The following CDH15 variants were observed in gnomAD, a reference collection of about 807,000 sequenced individuals.
CDH15 encodes cadherin-15.
A neutral mutation model predicts 69.4 loss-of-function variants in CDH15; 73 were observed. The observed-to-expected ratio is 1.05, with a 90% CI of 0.87 to 1.28. CDH15 has a LOEUF of 1.28. CDH15 is among the 50% of genes most tolerant of loss of function. CDH15 has a pLI of 0.00. For synonymous variants in CDH15, 624 were observed against 507.7 expected (o/e 1.23, Z -3.08); for missense variants, 1,343 against 1,133.6 (o/e 1.18, Z -2.65).
At chr16:89,174,988 AAAG>A (rs1915228218) in intron 1 of CDH15, among the ~76,000 whole-genome samples, 1 of 152,116 alleles carries the variant, frequency 6.6e-6, no homozygotes, top group African/African-American at 2.4e-5. Flanking sequence ...GTGGGAGGAC[AAAG>A]AGCCAGCTTT....
rs1038706559 is a variant in CDH15 at position 89,171,797 on chromosome 16, G to C, written c.-35G>C. 2.4e-5 allele frequency: 37 copies of C among 1,544,388 alleles called. No individual in the cohort carries two copies. The highest frequency in any genetic ancestry group is 7.3e-5 in the East Asian group (3 of 41,002). ...GCCTGGACGCGCTTCTTCGGGTCGC[G>C]GGTGCACTCCGGCCCGGCTCCCGCC... On this transcript the variant is annotated 5_prime_UTR_variant, in exon 1 of 14. Coordinates refer to ENST00000289746, the MANE Select transcript of CDH15 (RefSeq NM_004933.3).
chr16:89,189,167 C>CGG (rs763980854), intron 7 of CDH15, among the ~76,000 whole-genome samples: 4 of 133,726 alleles, frequency 3.0e-5, no homozygotes, highest in African/African-American at 5.6e-5. Context: ...ACACAGATGC[C>CGG]CACACACAGA....
At chr16:89,194,019 C>T (rs1915727985) in intron 13 of CDH15, 106 bp downstream of exon 13, 1 of 1,260,758 alleles carries the variant, frequency 7.9e-7, no homozygotes, top group African/African-American at 1.5e-5. Context: ...CGCCTGCATG[C>T]ACTTATGGGC....
At chr16:89,187,192 C>T (rs1432738277) in intron 5 of CDH15, among the ~76,000 whole-genome samples, 2 of 152,230 alleles carry the variant, frequency 1.3e-5, no homozygotes, top group Non-Finnish European at 2.9e-5. Flanking sequence ...TAAACGCTTA[C>T]CCAGTGCACA....
In CDH15 at chr16:89,191,699, C is replaced by T. The variant is rs759705185; in HGVS notation, c.1420C>T (p.Leu474=). ...CACCGGCACCCTGTCCATCGAGATC[C>T]TGGAGGTGAACGACCATGCACCTGT... is the stretch of plus-strand genomic sequence containing the variant. ...TATGTLSIEI[L]EVNDHAPVLA... The change falls in exon 10 of 14, where the codon CTG becomes TTG. Residue 474 remains leucine (L), a synonymous_variant. Coordinates refer to ENST00000289746, the MANE Select transcript of CDH15 (RefSeq NM_004933.3). The T allele has an allele frequency of 6.0e-5, 96 of 1,602,828 alleles. No individual in the cohort carries two copies. The highest frequency in any genetic ancestry group is 7.0e-5 in the Non-Finnish European group (83 of 1,178,598).
rs1427056408 is a variant in CDH15, at chr16:89,195,085, G to A, written c.2375G>A (p.Trp792Ter). Reference sequence around the variant, plus strand: ...TGCGGGTTGGAGTACGGGGCCAGATGGGACCACCAGGCCAGGGAGGGTCTT... The same window carrying A: ...TGCGGGTTGGAGTACGGGGCCAGATAGGACCACCAGGCCAGGGAGGGTCTT... ...HPCGLEYGARWDHQAREGLSP... is the reference protein window; with the variant it reads ...HPCGLEYGAR Residue 792 changes from tryptophan (W) to a stop codon, truncating the protein, a stop_gained, in exon 14 of 14, where the codon TGG becomes TAG. Transcript: ENST00000289746. LOFTEE classifies it low-confidence loss of function (END_TRUNC). 2 of 1,611,716 alleles carry A rather than the reference G, an allele frequency of 1.2e-6. No homozygotes were observed. Among genetic ancestry groups the A allele is most frequent in the Admixed American group, 1.7e-5 (1 of 59,996 alleles).
chr16:89,195,042 G>C lies in CDH15; in HGVS notation c.2332G>C (p.Asp778His). The C allele has an allele frequency of 6.2e-7, 1 of 1,612,610 alleles. No homozygotes were observed. Among genetic ancestry groups the C allele is most frequent in the South Asian group, 1.1e-5 (1 of 91,082 alleles). Residue 778 changes from aspartate (D) to histidine (H), a missense_variant, in exon 14 of 14, where the codon GAC (aspartate) becomes CAC (histidine). Asp to His is a moderately conservative substitution (Grantham distance 81). Transcript: ENST00000289746. The part of the protein sequence containing the change: ...DWGPRFARLA[D>H]MYGHPCGLEY... Reference sequence around the variant, plus strand: ...GGGGCCCCGCTTCGCCCGGCTGGCAGACATGTATGGGCACCCGTGCGGGTT... The same window carrying C: ...GGGGCCCCGCTTCGCCCGGCTGGCACACATGTATGGGCACCCGTGCGGGTT...
chr16:89,184,301 G>A (rs1460144486), intron 4 of CDH15, among the ~76,000 whole-genome samples: 2 of 152,172 alleles, frequency 1.3e-5, no homozygotes, highest in Admixed American at 1.3e-4. Context: ...CCTAGCTCCA[G>A]CTGTCCCGGG....
At chr16:89,180,929 T>A (rs1208134547) in intron 3 of CDH15, among the ~76,000 whole-genome samples, 1 of 149,476 alleles carries the variant, frequency 6.7e-6, no homozygotes, top group Non-Finnish European at 1.5e-5. Flanking sequence ...TTCACTGTGT[T>A]AGCCAGGATG....
At chr16:89,180,386 C>T (rs1283827802) in intron 3 of CDH15, 31 bp downstream of exon 3, 7 of 1,603,396 alleles carry the variant, frequency 4.4e-6, no homozygotes, top group Non-Finnish European at 6.0e-6. Flanking sequence ...ACCTGTGCCC[C>T]TCAAGCAGGC....
intron 1 of CDH15, among the ~76,000 whole-genome samples, chr16:89,173,372 C>T (rs534072545): frequency 6.6e-6 from 1 of 152,246 alleles, no homozygotes; most frequent in African/African-American, 2.4e-5. Flanking sequence ...TTTCAAAAGG[C>T]CCCAGGGGGC....
Position 89,193,872 on chromosome 16 carries a change from C to G in CDH15, c.2110C>G (p.Leu704Val). Residue 704 changes from leucine to valine, a missense_variant, in exon 13 of 14, where the codon CTG becomes GTG. Leu to Val is a conservative substitution (Grantham distance 32). Coordinates refer to ENST00000289746, the MANE Select transcript of CDH15 (RefSeq NM_004933.3). ...GRLHPQPPRV[L>V]PTSPLDIADF... is the part of the protein sequence containing the mutation. The stretch of plus-strand genomic sequence containing the variant: ...CCTGCACCCCCAGCCACCCCGAGTG[C>G]TGCCCACCAGCCCCCTGGACATCGC... The G allele has an allele frequency of 6.2e-7, 1 of 1,612,186 alleles. No individual in the cohort carries two copies. Among genetic ancestry groups the G allele is most frequent in the South Asian group, 1.1e-5 (1 of 91,066 alleles).
chr16:89,171,961 C>G, intron 1 of CDH15, 88 bp downstream of exon 1: 1 of 1,371,834 alleles, frequency 7.3e-7, no homozygotes, highest in Non-Finnish European at 1.0e-6. Context: ...AGGTCTCCCC[C>G]AGAACCACTG....
chr16:89,178,371 A>G (rs1389845874), intron 1 of CDH15, among the ~76,000 whole-genome samples: 2 of 152,160 alleles, frequency 1.3e-5, no homozygotes, highest in Admixed American at 6.5e-5. Context: ...AGTGCGTCCC[A>G]GCCCCTGATG....
At chr16:89,172,662 AC>A (rs1432527611) in intron 1 of CDH15, among the ~76,000 whole-genome samples, 1 of 152,060 alleles carries the variant, frequency 6.6e-6, no homozygotes, top group African/African-American at 2.4e-5. Flanking sequence ...AGCCCCCCAC[AC>A]CCGACATGGG....
chr16:89,192,404 C>T lies in CDH15; in HGVS notation c.1815C>T (p.Gly605=), dbSNP rs1260679146. The change falls in exon 11 of 14, where the codon GGC becomes GGT. Residue 605 remains glycine, a synonymous_variant. Transcript: ENST00000289746. ...LLAGGTGLSL[G]ALVIVLASAL... ...CGGGGGGCACAGGCCTCAGCCTGGG[C>T]GCACTGGTCATCGTGCTGGCCAGCG... 6.5e-7 allele frequency: 1 copy of T among 1,541,708 alleles called. No homozygotes were observed. The highest frequency in any genetic ancestry group is 1.2e-5 in the South Asian group (1 of 84,642).
In CDH15 at chr16:89,179,491, C is replaced by A; in HGVS notation, c.118C>A (p.Leu40Met). ...GTACCCCTGGCGCCGGGCGCCTGCC[C>A]TGAGCCGCGTGCGGAGGGCCTGGGT... ...TLYPWRRAPA[L>M]SRVRRAWVIP... Residue 40 changes from leucine (L) to methionine (M), a missense_variant, in exon 2 of 14, where the codon CTG (leucine) becomes ATG (methionine). By Grantham distance (15) the Leu-to-Met change is conservative. Transcript: ENST00000289746. 1.9e-6 allele frequency: 3 copies of A among 1,613,496 alleles called. No homozygotes were observed. The highest frequency in any genetic ancestry group is 2.5e-6 in the Non-Finnish European group (3 of 1,179,900).
intron 8 of CDH15, among the ~76,000 whole-genome samples, 195 bp from the exon 9 acceptor site, chr16:89,191,135 G>C (rs1368973689): frequency 3.3e-5 from 4 of 122,102 alleles, no homozygotes. Flanking sequence ...GCCCATGTAT[G>C]TGTATGTGGT....
Position 89,171,790 on chromosome 16 carries a change from G to A in CDH15, c.-42G>A, listed in dbSNP as rs1308350795. 2 of 1,539,726 alleles carry A rather than the reference G, an allele frequency of 1.3e-6. No homozygotes were observed. Among genetic ancestry groups the A allele is most frequent in the East Asian group, 2.5e-5 (1 of 40,800 alleles). On this transcript the variant is annotated 5_prime_UTR_variant, in exon 1 of 14. Transcript: ENST00000289746. ...TCACTCAGCCTGGACGCGCTTCTTC[G>A]GGTCGCGGGTGCACTCCGGCCCGGC... is the stretch of plus-strand genomic sequence containing the variant.
Sources: gnomAD v4.1 joint callset for allele counts (sites outside exome capture counted in the v4.1 genomes callset) on GRCh38, gnomAD v4.1.1 for gene constraint, MANE v1.5 for transcripts, NCBI Gene and HGNC (gene_info 2026-07-23, HGNC 2026-07-21) for gene names.